Variants in DRICH1 observed in about 807,000 individuals in gnomAD.
The protein encoded by DRICH1 is aspartate rich 1.
In DRICH1, 38 loss-of-function variants were observed where a neutral mutation model predicts 39.5. The ratio of observed to expected loss-of-function variants is 0.96; its 90% CI spans 0.74 to 1.26. The LOEUF (loss-of-function observed/expected upper bound fraction) is 1.26. Among genes scored for constraint, DRICH1 ranks in the 50% most tolerant of loss-of-function variants. DRICH1 has a pLI of 0.00. For synonymous variants in DRICH1, 84 were observed against 99.5 expected, an observed-to-expected ratio of 0.84 and a Z score of 0.93; for missense variants, 279 against 270.4, an observed-to-expected ratio of 1.03 and a Z score of -0.22.
At chr22:23,630,950 T>C (rs1382527263) in intron 1 of DRICH1, 2 of 152,152 alleles carry the variant, frequency 1.3e-5, no homozygotes, top group Admixed American at 6.6e-5. Flanking sequence ...CAGGGAATGA[T>C]ACACACTGGG....
At chr22:23,603,006 C>CTTTT in the DRICH1 span, among the ~76,000 whole-genome samples, 4 of 130,024 alleles carry the variant, frequency 3.1e-5, no homozygotes, top group Non-Finnish European at 3.3e-5. Context: ...AACACATTTA[C>CTTTT]TTTTTTTTTT....
chr22:23,602,967 T>C, the DRICH1 span, among the ~76,000 whole-genome samples: 1 of 151,928 alleles, frequency 6.6e-6, no homozygotes, highest in Non-Finnish European at 1.5e-5. Flanking sequence ...ACATTCGACA[T>C]TTAGGCTGTT....
At chr22:23,624,334 TA>T (rs749688334) in intron 3 of DRICH1, 10 of 985,030 alleles carry the variant, frequency 1.0e-5, no homozygotes, top group African/African-American at 1.7e-5. Context: ...CTTTAAATAA[TA>T]AAGCAAGAAG....
chr22:23,598,484 C>T, the DRICH1 span, among the ~76,000 whole-genome samples: 3 of 152,012 alleles, frequency 2.0e-5, no homozygotes, highest in South Asian at 2.1e-4. Flanking sequence ...TCAAACTGCC[C>T]GAGGTCAAGG....
the DRICH1 span, among the ~76,000 whole-genome samples, chr22:23,587,196 C>T: frequency 6.6e-6 from 1 of 152,300 alleles, no homozygotes; most frequent in Admixed American, 6.5e-5. Context: ...CCCCTCCCCC[C>T]ATGCTTCCAG....
At chr22:23,600,029 T>A in the DRICH1 span, among the ~76,000 whole-genome samples, 1 of 152,058 alleles carries the variant, frequency 6.6e-6, no homozygotes, top group Non-Finnish European at 1.5e-5. Flanking sequence ...TGTGGAAGGA[T>A]GGGTGTGTGT....
chr22:23,595,480 G>C, the DRICH1 span, among the ~76,000 whole-genome samples: 47,057 of 147,852 alleles, frequency 0.32, 6,776 homozygotes, highest in Admixed American at 0.38. Context: ...CCCGAGCAAT[G>C]ACTGCTGCAT....
intron 3 of DRICH1, among the ~76,000 whole-genome samples, chr22:23,622,820 C>T (rs1927836860): frequency 1.3e-5 from 2 of 151,320 alleles, no homozygotes; most frequent in Admixed American, 1.3e-4. Context: ...TGTCACTCTC[C>T]CTCAGGAGAT....
chr22:23,627,821 C>T (rs1313288000), intron 1 of DRICH1, among the ~76,000 whole-genome samples: 1 of 152,134 alleles, frequency 6.6e-6, no homozygotes, highest in Admixed American at 6.5e-5. Context: ...GCTCAACAGG[C>T]TGGACAGGCT....
At chr22:23,629,411 A>G (rs8136370) in intron 1 of DRICH1, among the ~76,000 whole-genome samples, 43,239 of 151,966 alleles carry the variant, frequency 0.28, 6,359 homozygotes, top group African/African-American at 0.36. Flanking sequence ...ACCAGCCCCC[A>G]ACAGTGGGAC....
At chr22:23,607,400 C>G (rs146751571), downstream of DRICH1, among the ~76,000 whole-genome samples, 4 of 152,302 alleles carry the variant, frequency 2.6e-5, no homozygotes, top group East Asian at 7.7e-4. Flanking sequence ...GGCCTCAAAA[C>G]TGGGGGAGCA....
the DRICH1 span, among the ~76,000 whole-genome samples, chr22:23,587,724 G>A: frequency 6.6e-6 from 1 of 152,166 alleles, no homozygotes; most frequent in Non-Finnish European, 1.5e-5. Flanking sequence ...TAATGTCAGG[G>A]CTCACAGAAA....
chr22:23,611,897 G>A (rs1247433755), intron 11 of DRICH1, among the ~76,000 whole-genome samples: 5 of 152,076 alleles, frequency 3.3e-5, no homozygotes, highest in African/African-American at 1.2e-4. Flanking sequence ...TAAGTAATAT[G>A]TTATACAAAT....
chr22:23,613,547 C>T (rs1569088074), intron 10 of DRICH1, 92 bp downstream of exon 10: 1 of 1,078,266 alleles, frequency 9.3e-7, no homozygotes. Flanking sequence ...AACCCCAAGC[C>T]TCTTTCCCAG....
At chr22:23,625,927 TTC>T (rs1289772055) in intron 2 of DRICH1, 52 bp downstream of exon 2, 2 of 1,438,644 alleles carry the variant, frequency 1.4e-6, no homozygotes, top group Non-Finnish European at 1.9e-6. Context: ...GTGAATTTGT[TTC>T]TGACATCAGG....
chr22:23,597,900 C>G, the DRICH1 span, among the ~76,000 whole-genome samples: 1 of 152,012 alleles, frequency 6.6e-6, no homozygotes, highest in Admixed American at 6.6e-5. Context: ...CCCCCTCTCC[C>G]TGGCCACATC....
At chr22:23,606,270 T>C (rs377620188), downstream of DRICH1, among the ~76,000 whole-genome samples, 1 of 152,042 alleles carries the variant, frequency 6.6e-6, no homozygotes, top group East Asian at 1.9e-4. Flanking sequence ...CCACAGGCTT[T>C]TGGGGCTGGA....
chr22:23,624,391 C>T, intron 3 of DRICH1: 2 of 953,414 alleles, frequency 2.1e-6, no homozygotes, highest in Non-Finnish European at 2.5e-6. Context: ...AAACATAATA[C>T]TTCTCACCTG....
chr22:23,591,328 C>T, the DRICH1 span, among the ~76,000 whole-genome samples: 3 of 152,218 alleles, frequency 2.0e-5, no homozygotes, highest in Non-Finnish European at 4.4e-5. Context: ...CACACTTACA[C>T]TCTCAAGGAC....
Sources: gnomAD v4.1 joint callset for allele counts (sites outside exome capture counted in the v4.1 genomes callset) on GRCh38, gnomAD v4.1.1 for gene constraint, MANE v1.5 for transcripts, NCBI Gene and HGNC (gene_info 2026-07-23, HGNC 2026-07-21) for gene names.